Variants in SATB1 observed in about 807,000 individuals in gnomAD.
SATB1 encodes SATB homeobox 1, also known as DNA-binding protein SATB1.
Under a neutral mutation model 86.9 loss-of-function variants are expected in SATB1, and 11 were observed. That is an observed-to-expected ratio of 0.13 (90% CI 0.08 to 0.21). SATB1 has a LOEUF of 0.21. Ranked by LOEUF, SATB1 falls within the 10% of genes least tolerant of loss-of-function variation. The pLI is 1.00. For missense variants in SATB1, 551 were observed against 937.6 expected, an observed-to-expected ratio of 0.59 and a Z score of 5.39; for synonymous variants, 357 against 357.2, an observed-to-expected ratio of 1.00 and a Z score of 0.01.
chr3:18,381,298 G>A (rs1447319165), intron 8 of SATB1, among the ~76,000 whole-genome samples: 1 of 152,154 alleles, frequency 6.6e-6, no homozygotes, highest in Non-Finnish European at 1.5e-5. Context: ...ATCCTACTCT[G>A]ATGCATGAAG....
At chr3:18,367,697 A>T (rs1478010552) in intron 9 of SATB1, among the ~76,000 whole-genome samples, 1 of 152,214 alleles carries the variant, frequency 6.6e-6, no homozygotes, top group Non-Finnish European at 1.5e-5. Flanking sequence ...TAAACTCCGT[A>T]TACACAACAG....
chr3:18,391,545 C>T (rs984682942), intron 7 of SATB1, among the ~76,000 whole-genome samples: 22 of 115,942 alleles, frequency 1.9e-4, no homozygotes, highest in Non-Finnish European at 3.5e-4. Context: ...CACCCCACAA[C>T]AGTCCCCAGA....
At position 18,417,021 on chromosome 3, in the gene SATB1, T is replaced by A; in HGVS notation, c.269A>T (p.Asp90Val). 6.2e-7 allele frequency: 1 copy of A among 1,613,658 alleles called. No homozygotes were observed. The highest frequency in any genetic ancestry group is 8.5e-7 in the Non-Finnish European group (1 of 1,179,690). The part of the protein sequence containing the change: ...VEHYENAIEY[D>V]CKEEHAEFVL... ...AAATTCTGCATGCTCCTCCTTGCAA[T>A]CATATTCAATGGCGTTTTCATAATG... The change falls in exon 3 of 11, where the codon GAT (aspartate) becomes GTT (valine). Residue 90 changes from aspartate to valine, a missense_variant. Transcript: ENST00000338745.
At chr3:18,415,700 T>G (rs1698073575) in intron 4 of SATB1, among the ~76,000 whole-genome samples, 1 of 152,156 alleles carries the variant, frequency 6.6e-6, no homozygotes. Context: ...ATTTTTTTCT[T>G]AAGTAAACTT....
chr3:18,378,423 T>C, intron 8 of SATB1, 98 bp from the exon 9 acceptor site: 2 of 1,208,410 alleles, frequency 1.7e-6, no homozygotes, highest in South Asian at 1.4e-5. Context: ...TTGTTCCTTT[T>C]ATGATCAAGG....
In SATB1 at chr3:18,352,212, T is replaced by C; in HGVS notation, c.1576-17A>G. On this transcript the variant is annotated splice_polypyrimidine_tract_variant and intron_variant, in intron 9 of 10. Coordinates refer to ENST00000338745, the MANE Select transcript of SATB1 (RefSeq NM_002971.6). The surrounding 1 kb of genome is among the most constrained non-coding windows in gnomAD (Gnocchi z 4.1). The stretch of plus-strand genomic sequence containing the variant: ...CAACCATCCCTTAGAGACAAGGGCA[T>C]AATAGGTCAGTTTGTGCCTATGAGA... 2.5e-6 allele frequency: 4 copies of C among 1,611,062 alleles called. No individual in the cohort carries two copies. The highest frequency in any genetic ancestry group is 1.3e-5 in the African/African-American group (1 of 74,990).
chr3:18,430,161 T>C (rs1698842685), upstream of SATB1, among the ~76,000 whole-genome samples: 1 of 151,876 alleles, frequency 6.6e-6, no homozygotes, highest in Non-Finnish European at 1.5e-5. Flanking sequence ...ACAGAACACT[T>C]CCTCACTGCA....
Position 18,386,255 on chromosome 3 carries a change from G to A in SATB1, c.1419+144C>T. 3.1e-6 allele frequency: 2 copies of A among 646,896 alleles called. No homozygotes were observed. Among genetic ancestry groups the A allele is most frequent in the Non-Finnish European group, 5.3e-6 (2 of 379,128 alleles). The allele number at this position is 646,896 out of a possible 1,614,324, so 40.1% of individuals were successfully genotyped here. ...TTTTTATATCAGAATTAATGATTTG[G>A]GACCAAATTCTCCTCAAGCAACTAT... On this transcript the variant is annotated intron_variant, in intron 8 of 10. Coordinates refer to ENST00000338745, the MANE Select transcript of SATB1 (RefSeq NM_002971.6). This position sits in a 1 kb window ranked among gnomAD's most constrained non-coding sequence, Gnocchi z 4.5.
chr3:18,420,191 C>G (rs1432190930), intron 2 of SATB1, among the ~76,000 whole-genome samples: 1 of 152,060 alleles, frequency 6.6e-6, no homozygotes, highest in Non-Finnish European at 1.5e-5. Context: ...TATAAACTTG[C>G]CTAAATCTGT....
Position 18,348,999 on chromosome 3 carries a change from C to T in SATB1, c.*171G>A. 1 of 1,101,356 alleles carries T rather than the reference C, an allele frequency of 9.1e-7. No individual in the cohort carries two copies. Among genetic ancestry groups the T allele is most frequent in the Non-Finnish European group, 1.3e-6 (1 of 794,388 alleles). 68.2% of individuals were successfully genotyped at this position (1,101,356 alleles called of 1,614,324 possible). ...AAGCAGTTTGTAAAACAGAGGAAAA[C>T]ATTTAGTGCAGTCTGTATTATCCTT... On this transcript the variant is annotated 3_prime_UTR_variant, in exon 11 of 11. Transcript: ENST00000338745.
intron 9 of SATB1, among the ~76,000 whole-genome samples, chr3:18,361,954 T>C (rs1296082019): frequency 1.3e-5 from 2 of 152,178 alleles, no homozygotes; most frequent in Non-Finnish European, 2.9e-5. Flanking sequence ...ATTAAATTTA[T>C]GGATAATTTT....
intron 8 of SATB1, among the ~76,000 whole-genome samples, chr3:18,380,888 A>C (rs1293654115): frequency 6.6e-6 from 1 of 152,206 alleles, no homozygotes; most frequent in Non-Finnish European, 1.5e-5. Flanking sequence ...ATCTTCTTTA[A>C]TCCTGGTTTA....
intron 4 of SATB1, 80 bp downstream of exon 4, chr3:18,415,926 AG>A: frequency 7.4e-7 from 1 of 1,343,442 alleles, no homozygotes; most frequent in Non-Finnish European, 1.0e-6. Flanking sequence ...AAAAAATTGA[AG>A]GTCGACCAGA....
intron 7 of SATB1, among the ~76,000 whole-genome samples, chr3:18,389,550 T>C (rs542592190): frequency 4.6e-5 from 7 of 152,130 alleles, no homozygotes; most frequent in Admixed American, 4.6e-4. Flanking sequence ...ATTGAAGACA[T>C]AGTACAGACT....
At chr3:18,382,870 T>A (rs1696133855) in intron 8 of SATB1, among the ~76,000 whole-genome samples, 1 of 152,206 alleles carries the variant, frequency 6.6e-6, no homozygotes, top group Non-Finnish European at 1.5e-5. Context: ...AGGAGGTGGC[T>A]TGAAGTAGAG....
At position 18,382,861 on chromosome 3, in the gene SATB1, G is replaced by A. The variant is rs148153925; in HGVS notation, c.1419+3538C>T. ...TAAAATAAGTTTGCTTTTATTCTGA[G>A]GAGGTGGCTTGAAGTAGAGGAAGGA... On this transcript the variant is annotated intron_variant, in intron 8 of 10. Transcript: ENST00000338745. Among the ~76,000 whole-genome samples the A allele has an allele frequency of 1.5e-3, 231 of 152,296 alleles. 1 individual carries two copies. Among genetic ancestry groups the A allele is most frequent in the African/African-American group, 5.5e-3 (227 of 41,550 alleles).
intron 5 of SATB1, among the ~76,000 whole-genome samples, chr3:18,405,877 TA>T (rs1410981221): frequency 6.6e-6 from 1 of 151,974 alleles, no homozygotes; most frequent in Non-Finnish European, 1.5e-5. Context: ...CAGATAAACA[TA>T]AACCAATGTC....
intron 9 of SATB1, among the ~76,000 whole-genome samples, chr3:18,364,297 C>T (rs1695070082): frequency 6.6e-6 from 1 of 151,990 alleles, no homozygotes; most frequent in Non-Finnish European, 1.5e-5. Context: ...TACTGAAATA[C>T]AGGTATCAAA....
Position 18,416,053 on chromosome 3 carries a change from G to T in SATB1, c.469C>A (p.Leu157Ile). The T allele has an allele frequency of 6.2e-7, 1 of 1,609,782 alleles. No homozygotes were observed. Among genetic ancestry groups the T allele is most frequent in the East Asian group, 2.2e-5 (1 of 44,702 alleles). ...DAPDATVADM[L>I]QDVYHVVTLK... Reference sequence around the variant, plus strand: ...GTGACCACATGATACACATCTTGAAGCATATCTGCTACTGTAGCATCAGGG... The same window carrying T: ...GTGACCACATGATACACATCTTGAATCATATCTGCTACTGTAGCATCAGGG... The change falls in exon 4 of 11, where the codon CTT becomes ATT. Residue 157 changes from leucine (L) to isoleucine (I), a missense_variant. Coordinates refer to ENST00000338745, the MANE Select transcript of SATB1 (RefSeq NM_002971.6).
Sources: gnomAD v4.1 joint callset for allele counts (sites outside exome capture counted in the v4.1 genomes callset) on GRCh38, gnomAD v4.1.1 for gene constraint, Gnocchi (gnomAD v3.1) non-coding constraint, MANE v1.5 for transcripts, NCBI Gene and HGNC (gene_info 2026-07-23, HGNC 2026-07-21) for gene names.